Variants in CHLSN observed in about 807,000 individuals in gnomAD.
CHLSN encodes the protein protein cholesin.
the CHLSN span, among the ~76,000 whole-genome samples, chr7:1,011,180 CCA>C: frequency 6.9e-6 from 1 of 145,416 alleles, no homozygotes; most frequent in African/African-American, 2.6e-5. Flanking sequence ...CACCATACAC[CCA>C]CACTCACCCA....
chr7:1,136,966 C>G, the CHLSN span, among the ~76,000 whole-genome samples: 1 of 152,112 alleles, frequency 6.6e-6, no homozygotes, highest in African/African-American at 2.4e-5. Flanking sequence ...CCCATAGGTA[C>G]CCAGTCCAAG....
At chr7:1,110,898 C>T in the CHLSN span, among the ~76,000 whole-genome samples, 3 of 151,880 alleles carry the variant, frequency 2.0e-5, no homozygotes, top group African/African-American at 4.8e-5. Context: ...GACCATCAAC[C>T]GTAATCTTAG....
chr7:1,000,733 C>T, the CHLSN span, among the ~76,000 whole-genome samples: 277 of 152,308 alleles, frequency 1.8e-3, 1 homozygote, highest in African/African-American at 6.5e-3. Context: ...GGAGCCGCAA[C>T]CCCACGCCCT....
the CHLSN span, among the ~76,000 whole-genome samples, chr7:1,021,047 AG>A: frequency 2.0e-5 from 3 of 149,258 alleles, no homozygotes; most frequent in African/African-American, 7.4e-5. Context: ...ACCTCCCAGC[AG>A]GGCCTCCAGG....
chr7:1,020,973 C>T, the CHLSN span, among the ~76,000 whole-genome samples: 1 of 139,268 alleles, frequency 7.2e-6, no homozygotes, highest in African/African-American at 3.4e-5. Flanking sequence ...GGCCTCCAGG[C>T]TGGGGACCTT....
the CHLSN span, chr7:1,010,173 G>A: frequency 6.3e-7 from 1 of 1,584,212 alleles, no homozygotes; most frequent in Non-Finnish European, 8.6e-7. Context: ...TTAGGCTTCG[G>A]GGATGGAGGG....
the CHLSN span, among the ~76,000 whole-genome samples, chr7:1,111,781 G>A: frequency 6.6e-6 from 1 of 151,884 alleles, no homozygotes; most frequent in South Asian, 2.1e-4. Context: ...CAGCCTGGGT[G>A]ACAGAGGGAG....
chr7:1,047,926 G>C, the CHLSN span, among the ~76,000 whole-genome samples: 2,795 of 152,218 alleles, frequency 0.018, 112 homozygotes, highest in East Asian at 0.19. Flanking sequence ...CCCCTTCTAC[G>C]GTTTTCATCC....
At chr7:993,216 G>C in the CHLSN span, among the ~76,000 whole-genome samples, 1 of 152,192 alleles carries the variant, frequency 6.6e-6, no homozygotes, top group Non-Finnish European at 1.5e-5. Flanking sequence ...GCAGGGGGAC[G>C]GCAGCTGGAG....
the CHLSN span, chr7:1,058,085 G>A: frequency 7.8e-6 from 6 of 766,506 alleles, no homozygotes; most frequent in Admixed American, 5.1e-5. Flanking sequence ...CCGACGCCAC[G>A]CTGGTGTTCA....
At chr7:1,137,432 G>A in the CHLSN span, 1 of 152,296 alleles carries the variant, frequency 6.6e-6, no homozygotes, top group Non-Finnish European at 1.5e-5. Context: ...GAACAGTGCA[G>A]GAGGAACCCA....
the CHLSN span, chr7:1,076,292 G>T: frequency 6.2e-6 from 1 of 162,250 alleles, no homozygotes. Context: ...AGCACCACCA[G>T]GGAGAGGCAG....
At chr7:987,296 C>T in the CHLSN span, 1 of 1,517,786 alleles carries the variant, frequency 6.6e-7, no homozygotes, top group Non-Finnish European at 8.8e-7. Flanking sequence ...CGGGGGACCC[C>T]CAGGGACGAG....
the CHLSN span, among the ~76,000 whole-genome samples, chr7:1,125,182 A>T: frequency 2.6e-5 from 4 of 152,254 alleles, no homozygotes; most frequent in African/African-American, 9.6e-5. Context: ...GCTGGGCCAC[A>T]CCCAGCAACC....
the CHLSN span, among the ~76,000 whole-genome samples, chr7:1,136,379 A>AATATATAC: frequency 0.016 from 1,636 of 100,434 alleles, 198 homozygotes; most frequent in East Asian, 0.11. Flanking sequence ...AATATATATA[A>AATATATAC]ATATATAAAC....
the CHLSN span, among the ~76,000 whole-genome samples, chr7:1,097,587 G>C: frequency 5.9e-5 from 9 of 152,244 alleles, no homozygotes; most frequent in Non-Finnish European, 1.3e-4. The surrounding 1 kb of genome is among the most constrained non-coding windows in gnomAD (Gnocchi z 4.3). Flanking sequence ...GCACCTTTCA[G>C]AGGGAGACGG....
chr7:1,024,396 T>G, the CHLSN span: 1 of 152,114 alleles, frequency 6.6e-6, no homozygotes, highest in African/African-American at 2.4e-5. Flanking sequence ...GTAGGCGGGT[T>G]GCAATAAACA....
chr7:1,096,554 G>GT, the CHLSN span, among the ~76,000 whole-genome samples: 1 of 152,194 alleles, frequency 6.6e-6, no homozygotes, highest in Non-Finnish European at 1.5e-5. This position sits in a 1 kb window ranked among gnomAD's most constrained non-coding sequence, Gnocchi z 4.6. Flanking sequence ...CAGGGCAAAT[G>GT]TAATTGTTTT....
chr7:1,119,713 C>CA, the CHLSN span, among the ~76,000 whole-genome samples: 94 of 152,072 alleles, frequency 6.2e-4, no homozygotes, highest in Middle Eastern at 3.4e-3. Context: ...CCTGTCTCTA[C>CA]AAAAAAATAC....
Sources: gnomAD v4.1 joint callset for allele counts (sites outside exome capture counted in the v4.1 genomes callset) on GRCh38, gnomAD v4.1.1 for gene constraint, Gnocchi (gnomAD v3.1) non-coding constraint, MANE v1.5 for transcripts, NCBI Gene and HGNC (gene_info 2026-07-23, HGNC 2026-07-21) for gene names.